The following PDE4DIP variants were observed in gnomAD, a reference collection of about 807,000 sequenced individuals.
The protein encoded by PDE4DIP is phosphodiesterase 4D interacting protein.
Under a neutral mutation model 221.4 loss-of-function variants are expected in PDE4DIP, and 59 were observed. The ratio of observed to expected loss-of-function variants is 0.27; its 90% CI spans 0.22 to 0.33. The LOEUF is 0.33. Among genes scored for constraint, PDE4DIP ranks in the 10% least tolerant of loss-of-function variants. The pLI, the probability that PDE4DIP is intolerant of heterozygous loss-of-function variation, is 1.00. For synonymous variants in PDE4DIP, 404 were observed against 815.9 expected, an observed-to-expected ratio of 0.50 and a Z score of 8.60; for missense variants, 1,036 against 2,154.2, an observed-to-expected ratio of 0.48 and a Z score of 10.28.
chr1:148,935,306 G>A (rs1558870341), intron 4 of PDE4DIP, among the ~76,000 whole-genome samples: 1 of 147,716 alleles, frequency 6.8e-6, no homozygotes, highest in Non-Finnish European at 1.5e-5. Flanking sequence ...TATACAAACA[G>A]AGAATATGCC....
At chr1:148,818,251 ACT>A (rs1668278566) in intron 1 of PDE4DIP, among the ~76,000 whole-genome samples, 3 of 119,156 alleles carry the variant, frequency 2.5e-5, no homozygotes, top group African/African-American at 3.5e-5. Context: ...CATTTTAAGT[ACT>A]GTTTCCTGCT....
chr1:148,979,327 A>C (rs1476995632), intron 19 of PDE4DIP, among the ~76,000 whole-genome samples: 1 of 152,146 alleles, frequency 6.6e-6, no homozygotes, highest in African/African-American at 2.4e-5. Context: ...TTTTTCCTCC[A>C]CTAGATAGTA....
intron 1 of PDE4DIP, among the ~76,000 whole-genome samples, chr1:148,859,429 C>T (rs4649756): frequency 0.015 from 2,209 of 150,464 alleles, no homozygotes; most frequent in Middle Eastern, 0.038. Context: ...TTGGTACTTC[C>T]GAAAGCAAAA....
intron 20 of PDE4DIP, among the ~76,000 whole-genome samples, chr1:148,981,049 A>G (rs1553542288): frequency 6.6e-6 from 1 of 152,238 alleles, no homozygotes. Context: ...AGAATCTAGC[A>G]TAAGGGGCAA....
intron 1 of PDE4DIP, among the ~76,000 whole-genome samples, chr1:148,830,442 T>A (rs1455139177): frequency 2.2e-5 from 2 of 92,064 alleles, no homozygotes; most frequent in African/African-American, 4.0e-5. Context: ...TTTTTTTTTT[T>A]ATACTTTAAG....
intron 9 of PDE4DIP, among the ~76,000 whole-genome samples, chr1:148,963,807 A>T (rs74354588): frequency 4.5e-5 from 5 of 110,550 alleles, no homozygotes; most frequent in Non-Finnish European, 7.0e-5. Flanking sequence ...AGGCTGGAGT[A>T]CAGTGGCGCG....
Position 149,030,388 on chromosome 1 carries a change from A to G in PDE4DIP, c.6999+110A>G, listed in dbSNP as rs1201447886. The G allele has an allele frequency of 1.1e-3, 1,668 of 1,529,998 alleles. 28 individuals carry two copies. The South Asian group carries it at 0.017, about 16-fold the overall frequency. The allele number at this position is 1,529,998 out of a possible 1,614,324, so 94.8% of individuals were successfully genotyped here. A position where few individuals can be genotyped will look rare whatever the true frequency, so the allele number is the denominator to read the frequency against. On this transcript the variant is annotated intron_variant, in intron 43 of 43. Coordinates refer to ENST00000369354, the Ensembl canonical transcript of PDE4DIP. ...TGGCCTGCTTTGGCCTTCCAGGAGA[A>G]GACTTGGGGTCCACTTGCAAGATCA...
intron 4 of PDE4DIP, among the ~76,000 whole-genome samples, 171 bp from the exon 8 acceptor site, chr1:148,937,576 G>A (rs1296756528): frequency 2.0e-5 from 3 of 152,132 alleles, no homozygotes; most frequent in Non-Finnish European, 4.4e-5. Flanking sequence ...TATATTTGGG[G>A]GCTGGGCAGA....
rs1425441016 is a variant in PDE4DIP, at chr1:148,856,944, G to A, written c.234-6306G>A. ...TGAAAAATTTATTTCATTTGAAACAGAAACCAGCAACTCTTCTTAAATGAG... is the reference window on the plus strand; with the variant it reads ...TGAAAAATTTATTTCATTTGAAACAAAAACCAGCAACTCTTCTTAAATGAG... On this transcript the variant is annotated intron_variant, in intron 1 of 45. Coordinates refer to the PDE4DIP transcript ENST00000524974. Among the ~76,000 whole-genome samples the A allele has an allele frequency of 7.7e-5, 7 of 91,232 alleles. 2 individuals are homozygous for A. Among genetic ancestry groups the A allele is most frequent in the Non-Finnish European group, 1.3e-4 (6 of 47,546 alleles). The allele number at this position is 91,232 out of a possible 152,430, so 59.9% of individuals were successfully genotyped here. A position where few individuals can be genotyped will look rare whatever the true frequency, so the allele number is the denominator to read the frequency against.
At chr1:148,902,735 TATATATATCCATC>T (rs2040917466) in intron 1 of PDE4DIP, among the ~76,000 whole-genome samples, 2 of 100,530 alleles carry the variant, frequency 2.0e-5, no homozygotes, top group African/African-American at 1.0e-4. Context: ...TATATATATA[TATATATATCCATC>T]ATATATATAT....
intron 1 of PDE4DIP, among the ~76,000 whole-genome samples, chr1:148,905,156 G>C (rs1383668336): frequency 1.5e-5 from 2 of 135,518 alleles, no homozygotes; most frequent in African/African-American, 5.5e-5. Flanking sequence ...TATCTTTCCA[G>C]GAATTTATCC....
intron 1 of PDE4DIP, among the ~76,000 whole-genome samples, chr1:148,898,992 C>T (rs1443064678): frequency 3.9e-5 from 4 of 102,844 alleles, no homozygotes; most frequent in African/African-American, 1.8e-4. Flanking sequence ...TCACCATGCC[C>T]GGCTAATTTT....
At chr1:148,981,931 T>A (rs1368353283) in intron 21 of PDE4DIP, 3 of 160,246 alleles carry the variant, frequency 1.9e-5, no homozygotes, top group Admixed American at 1.7e-4. Context: ...AGATTGAGAG[T>A]CTATAAGAAT....
chr1:148,965,522 G>A (rs374903451), exon 10 of PDE4DIP: 351 of 1,613,176 alleles, frequency 2.2e-4, no homozygotes, highest in Middle Eastern at 5.0e-4. Context: ...AAGAAGAATT[G>A]CAGAATAAGA....
chr1:148,866,803 A>C (rs1687032303), intron 2 of PDE4DIP, among the ~76,000 whole-genome samples: 1 of 38,738 alleles, frequency 2.6e-5, no homozygotes. Context: ...ACTCCCTTGG[A>C]TCTCCTTTCC....
exon 44 of PDE4DIP, chr1:149,032,348 A>G: frequency 3.6e-6 from 2 of 552,996 alleles, no homozygotes; most frequent in South Asian, 4.2e-5. Flanking sequence ...CTGTCCTGAG[A>G]TGGAAAACTC....
intron 9 of PDE4DIP, among the ~76,000 whole-genome samples, chr1:148,963,913 C>G (rs75037449): frequency 1.4e-5 from 2 of 148,034 alleles, no homozygotes; most frequent in African/African-American, 5.0e-5. Context: ...GCCGCCACCA[C>G]GCCCGGCTAA....
intron 22 of PDE4DIP, among the ~76,000 whole-genome samples, chr1:148,996,930 A>G (rs1333821167): frequency 1.3e-5 from 2 of 152,270 alleles, no homozygotes; most frequent in East Asian, 3.8e-4. Context: ...TTGGGGAATG[A>G]TTCAGTATAG....
chr1:148,973,428 C>G (rs2059586647), intron 16 of PDE4DIP, among the ~76,000 whole-genome samples: 1 of 151,166 alleles, frequency 6.6e-6, no homozygotes, highest in South Asian at 2.1e-4. Flanking sequence ...CTGCGCCCAG[C>G]CGCTTCTAGG....
Sources: allele counts gnomAD v4.1 joint callset (sites outside exome capture counted in the v4.1 genomes callset), GRCh38; gene constraint gnomAD v4.1.1; transcripts MANE v1.5; gene names NCBI Gene and HGNC (gene_info 2026-07-23, HGNC 2026-07-21).